C10orf90: variants seen among roughly 807,000 people sequenced by gnomAD.
The protein encoded by C10orf90 is chromosome 10 open reading frame 90.
Under a neutral mutation model 62.5 loss-of-function variants are expected in C10orf90, and 56 were observed. That is an observed-to-expected ratio of 0.90 (90% CI 0.72 to 1.12). C10orf90 has a LOEUF of 1.12. Ranked by LOEUF, C10orf90 falls within the 50% of genes most tolerant of loss-of-function variation. C10orf90 has a pLI of 0.00. For synonymous variants in C10orf90, 386 were observed against 340.4 expected (o/e 1.13, Z -1.47); for missense variants, 970 against 880.4 (o/e 1.10, Z -1.29).
intron 2 of C10orf90, among the ~76,000 whole-genome samples, chr10:126,614,728 C>T (rs1266105000): frequency 6.6e-6 from 1 of 152,086 alleles, no homozygotes; most frequent in African/African-American, 2.4e-5. Context: ...GGGCGTTGCT[C>T]GATGACTCCA....
rs183387185 is a variant in C10orf90, at chr10:126,453,751, A to G, written c.2188+5289T>C. ...GCTCAGTTATTACAGGAAGCACAGGAAAGGGTCTGGGGGTAAGAGATGAAT... is the reference window on the plus strand; with the variant it reads ...GCTCAGTTATTACAGGAAGCACAGGGAAGGGTCTGGGGGTAAGAGATGAAT... On this transcript the variant is annotated intron_variant, in intron 7 of 9. Transcript: ENST00000488181. The surrounding 1 kb of genome is among the most constrained non-coding windows in gnomAD (Gnocchi z 4.9). 2.8e-4 allele frequency among the ~76,000 whole-genome samples: 43 copies of G among 152,266 alleles called. No individual in the cohort carries two copies. The highest frequency in any genetic ancestry group is 1.0e-3 in the African/African-American group (43 of 41,546).
chr10:126,527,690 G>A (rs528256593), intron 2 of C10orf90, among the ~76,000 whole-genome samples: 26 of 152,312 alleles, frequency 1.7e-4, no homozygotes, highest in South Asian at 4.1e-4. Flanking sequence ...CCCCATCTGC[G>A]AAACAGGGAT....
chr10:126,639,784 G>A (rs1185140494), intron 2 of C10orf90, among the ~76,000 whole-genome samples: 4 of 152,230 alleles, frequency 2.6e-5, no homozygotes, highest in Non-Finnish European at 5.9e-5. Flanking sequence ...GTAGTACAGT[G>A]TTTTACCAAT....
intron 2 of C10orf90, among the ~76,000 whole-genome samples, chr10:126,540,665 TAAAAA>T (rs59077222): frequency 1.8e-3 from 244 of 134,682 alleles, no homozygotes; most frequent in Non-Finnish European, 1.7e-3. Flanking sequence ...AGACCTTGTC[TAAAAA>T]AAAAAAAAAA....
At chr10:126,645,208 A>T (rs893988311) in intron 2 of C10orf90, among the ~76,000 whole-genome samples, 18 of 150,704 alleles carry the variant, frequency 1.2e-4, no homozygotes, top group African/African-American at 4.4e-4. Context: ...ACATGTATAC[A>T]TATGTAACTA....
chr10:126,593,247 T>C (rs570815759), intron 2 of C10orf90, among the ~76,000 whole-genome samples: 4 of 152,340 alleles, frequency 2.6e-5, no homozygotes, highest in South Asian at 2.1e-4. Context: ...ATATGTTCAC[T>C]GCGGCACTAT....
At chr10:126,618,453 G>T (rs1845585145) in intron 2 of C10orf90, among the ~76,000 whole-genome samples, 1 of 152,162 alleles carries the variant, frequency 6.6e-6, no homozygotes, top group Non-Finnish European at 1.5e-5. Flanking sequence ...TTATTCTCAA[G>T]AAGTCCTTCT....
chr10:126,646,400 A>G (rs1467257504), intron 2 of C10orf90, among the ~76,000 whole-genome samples, 165 bp downstream of exon 2: 1 of 152,194 alleles, frequency 6.6e-6, no homozygotes, highest in Admixed American at 6.5e-5. Context: ...TAGAAATTCA[A>G]ATCAGCTTCA....
intron 7 of C10orf90, among the ~76,000 whole-genome samples, chr10:126,444,157 G>A (rs957462836): frequency 6.6e-6 from 1 of 152,060 alleles, no homozygotes; most frequent in Non-Finnish European, 1.5e-5. Context: ...ACATAGTACT[G>A]GAAGTCCTAG....
intron 4 of C10orf90, among the ~76,000 whole-genome samples, chr10:126,479,376 A>G (rs1861055794): frequency 6.6e-6 from 1 of 152,226 alleles, no homozygotes; most frequent in Admixed American, 6.5e-5. Context: ...GAGTTGGGGA[A>G]GAAAATCCAG....
At chr10:126,586,821 G>A (rs1844881612) in intron 2 of C10orf90, among the ~76,000 whole-genome samples, 2 of 152,104 alleles carry the variant, frequency 1.3e-5, no homozygotes, top group South Asian at 4.1e-4. Context: ...TCCACCACAG[G>A]CGCTGCTCCT....
At chr10:126,637,312 G>A (rs1845970976) in intron 2 of C10orf90, among the ~76,000 whole-genome samples, 1 of 152,112 alleles carries the variant, frequency 6.6e-6, no homozygotes, top group Non-Finnish European at 1.5e-5. Flanking sequence ...TTCTGCCTTG[G>A]AGATGGGCCT....
chr10:126,650,259 C>G (rs1846264497), intron 1 of C10orf90, among the ~76,000 whole-genome samples: 1 of 152,174 alleles, frequency 6.6e-6, no homozygotes, highest in African/African-American at 2.4e-5. Context: ...CTGTGTCTCC[C>G]TTAAGTCTCT....
chr10:126,541,948 T>C (rs373687938), intron 2 of C10orf90, among the ~76,000 whole-genome samples: 2 of 152,138 alleles, frequency 1.3e-5, no homozygotes, highest in Non-Finnish European at 2.9e-5. Context: ...AATGAATGGA[T>C]AAATTGTTGT....
chr10:126,567,781 G>A (rs1844423731), intron 2 of C10orf90, among the ~76,000 whole-genome samples: 1 of 152,160 alleles, frequency 6.6e-6, no homozygotes. Flanking sequence ...GGTGGAGAAG[G>A]GGGACAAGGG....
intron 4 of C10orf90, among the ~76,000 whole-genome samples, chr10:126,502,990 TAC>T (rs1330707340): frequency 4.6e-5 from 7 of 152,256 alleles, no homozygotes; most frequent in East Asian, 1.9e-4. Context: ...TTAAATGTTT[TAC>T]AGTCATTTTT....
At chr10:126,644,477 A>G (rs1404783588) in intron 2 of C10orf90, among the ~76,000 whole-genome samples, 1 of 152,230 alleles carries the variant, frequency 6.6e-6, no homozygotes, top group Non-Finnish European at 1.5e-5. Flanking sequence ...CTTGCCTTCT[A>G]CTAGAATATA....
intron 1 of C10orf90, among the ~76,000 whole-genome samples, chr10:126,662,801 T>G (rs1433272910): frequency 3.4e-5 from 5 of 145,794 alleles, no homozygotes; most frequent in Non-Finnish European, 7.5e-5. Context: ...CTCCGTGCAT[T>G]CTTGCTGAGT....
chr10:126,510,038 T>G (rs947679149), intron 3 of C10orf90, among the ~76,000 whole-genome samples: 2 of 152,162 alleles, frequency 1.3e-5, no homozygotes, highest in East Asian at 3.9e-4. Flanking sequence ...TACACGGTCC[T>G]CCCTCTGTCC....
Sources: allele counts gnomAD v4.1 joint callset (sites outside exome capture counted in the v4.1 genomes callset), GRCh38; gene constraint gnomAD v4.1.1; non-coding constraint Gnocchi (gnomAD v3.1); transcripts MANE v1.5; gene names NCBI Gene and HGNC (gene_info 2026-07-23, HGNC 2026-07-21).